LEUTX: variants seen among roughly 807,000 people sequenced by gnomAD.
The protein encoded by LEUTX is leucine twenty homeobox.
Under a neutral mutation model 4.5 loss-of-function variants are expected in LEUTX, and 5 were observed. The ratio of observed to expected loss-of-function variants is 1.11; its 90% confidence interval spans 0.58 to 2.34. LEUTX has a LOEUF of 2.34. LEUTX is among the 30% of genes most tolerant of loss of function. The pLI is 0.01. For missense variants in LEUTX, 233 were observed against 239.4 expected (o/e 0.97, Z 0.18); for synonymous variants, 89 against 85.1 (o/e 1.05, Z -0.25).
intron 1 of LEUTX, among the ~76,000 whole-genome samples, chr19:39,784,170 C>CT (rs916865712): frequency 4.6e-5 from 7 of 151,258 alleles, no homozygotes; most frequent in South Asian, 2.1e-4. Flanking sequence ...TTTCTTGTAT[C>CT]TTTTTTTTTA....
intron 1 of LEUTX, among the ~76,000 whole-genome samples, chr19:39,782,188 T>A (rs1967896710): frequency 6.6e-6 from 1 of 152,144 alleles, no homozygotes; most frequent in Admixed American, 6.5e-5. Context: ...AAACCTGGTG[T>A]CAACATCATG....
Position 39,786,220 on chromosome 19 carries a change from C to G in LEUTX, c.*85C>G. On this transcript the variant is annotated 3_prime_UTR_variant, in exon 3 of 3. Coordinates refer to ENST00000638280, the MANE Select transcript of LEUTX (RefSeq NM_001382345.1). ...ACATCTTTAATGGTTTGACCCCAGT[C>G]TAAGTAGATCAGGGGCTGGGAATTT... 2 of 1,013,546 alleles carry G rather than the reference C, an allele frequency of 2.0e-6. No individual in the cohort carries two copies. Among genetic ancestry groups the G allele is most frequent in the Non-Finnish European group, 2.8e-6 (2 of 716,636 alleles). 62.8% of individuals were successfully genotyped at this position (1,013,546 alleles called of 1,614,324 possible).
intron 2 of LEUTX, 51 bp downstream of exon 2, chr19:39,784,729 A>C: frequency 1.5e-6 from 2 of 1,338,890 alleles, no homozygotes; most frequent in Non-Finnish European, 2.1e-6. Context: ...AGAGCTTCAC[A>C]CACACTTTTG....
chr19:39,784,630 A>C lies in LEUTX; in HGVS notation c.111A>C (p.Thr37=), dbSNP rs1449355846. The stretch of plus-strand genomic sequence containing the variant: ...AGACCATGCACCCAAGTTTGGCTAC[A>C]ATGGGGAAACTGGCTTCAAAGCTAC... ...LEKTMHPSLA[T]MGKLASKLQL... is the part of the protein sequence containing the mutation. The change falls in exon 2 of 3, where the codon ACA becomes ACC. Residue 37 remains threonine, a synonymous_variant. Transcript: ENST00000638280. The C allele has an allele frequency of 2.6e-6, 4 of 1,551,608 alleles. No individual in the cohort carries two copies. Among genetic ancestry groups the C allele is most frequent in the African/African-American group, 2.7e-5 (2 of 73,160 alleles).
chr19:39,777,871 A>G (rs1967819494), upstream of LEUTX, among the ~76,000 whole-genome samples: 2 of 152,218 alleles, frequency 1.3e-5, no homozygotes, highest in Non-Finnish European at 2.9e-5. Context: ...GCTACCTGCA[A>G]TGTTCCCAGA....
At chr19:39,785,437 C>CA (rs74178099) in intron 2 of LEUTX, among the ~76,000 whole-genome samples, 42,759 of 145,370 alleles carry the variant, frequency 0.29, 6,381 homozygotes, top group East Asian at 0.47. Flanking sequence ...TAGCTTGTCT[C>CA]AAAAAAAAAA....
intron 1 of LEUTX, among the ~76,000 whole-genome samples, chr19:39,780,464 T>C (rs898112119): frequency 3.3e-5 from 5 of 152,222 alleles, no homozygotes; most frequent in African/African-American, 2.4e-5. Context: ...TCGTGGAATG[T>C]CTTCATTCTG....
intron 1 of LEUTX, among the ~76,000 whole-genome samples, chr19:39,781,133 C>T (rs1967880242): frequency 6.6e-6 from 1 of 151,680 alleles, no homozygotes; most frequent in Non-Finnish European, 1.5e-5. Flanking sequence ...TCTTGCTGTC[C>T]CCTTCCTGTT....
chr19:39,785,905 A>G lies in LEUTX; in HGVS notation c.367A>G (p.Asn123Asp). 7 of 1,551,808 alleles carry G rather than the reference A, an allele frequency of 4.5e-6. No individual in the cohort carries two copies. Among genetic ancestry groups the G allele is most frequent in the Non-Finnish European group, 6.1e-6 (7 of 1,147,012 alleles). ...TCTACGTGAGCCTTCTGGTATCAAGAATCCTGGAGGAGCCAGCGCCTCTGC... is the reference window on the plus strand; with the variant it reads ...TCTACGTGAGCCTTCTGGTATCAAGGATCCTGGAGGAGCCAGCGCCTCTGC... ...HDLREPSGIK[N>D]PGGASASARV... is the part of the protein sequence containing the mutation. The change falls in exon 3 of 3, where the codon AAT becomes GAT. Residue 123 changes from asparagine to aspartate, a missense_variant. Physicochemically the swap from Asn to Asp is conservative, Grantham distance 23 (BLOSUM62 1). Coordinates refer to ENST00000638280, the MANE Select transcript of LEUTX (RefSeq NM_001382345.1).
chr19:39,779,139 A>G (rs1427675318), intron 1 of LEUTX, among the ~76,000 whole-genome samples: 1 of 152,084 alleles, frequency 6.6e-6, no homozygotes, highest in Non-Finnish European at 1.5e-5. Flanking sequence ...TTTTAAAGAG[A>G]TGGGGTCTTG....
chr19:39,783,048 G>A (rs1036998435), intron 1 of LEUTX, among the ~76,000 whole-genome samples: 28 of 150,864 alleles, frequency 1.9e-4, no homozygotes, highest in South Asian at 2.1e-4. Context: ...CCTTTCCCCC[G>A]AATCCCCAAA....
chr19:39,777,938 A>C (rs770339491), upstream of LEUTX, among the ~76,000 whole-genome samples: 25 of 152,072 alleles, frequency 1.6e-4, no homozygotes, highest in Non-Finnish European at 1.9e-4. Flanking sequence ...GGGGGTGTGG[A>C]GGTTGCGGGA....
Position 39,785,813 on chromosome 19 carries a change from C to T in LEUTX, c.275C>T (p.Pro92Leu), listed in dbSNP as rs773212414. Residue 92 changes from proline (P) to leucine (L), a missense_variant, in exon 3 of 3, where the codon CCC becomes CTC. Transcript: ENST00000638280. ...ACTTCAGTGAAGAAGGAGGAGACTCCCTCAGCCATAACTACTGCAAACATT... is the reference window on the plus strand; with the variant it reads ...ACTTCAGTGAAGAAGGAGGAGACTCTCTCAGCCATAACTACTGCAAACATT... The part of the protein sequence containing the change: ...QTTSVKKEET[P>L]SAITTANIRP... The T allele has an allele frequency of 6.4e-6, 10 of 1,551,640 alleles. No homozygotes were observed. The highest frequency in any genetic ancestry group is 1.7e-4 in the Middle Eastern group (1 of 6,014).
chr19:39,782,169 G>A (rs757643107), intron 1 of LEUTX, among the ~76,000 whole-genome samples: 3 of 152,164 alleles, frequency 2.0e-5, no homozygotes, highest in Non-Finnish European at 4.4e-5. Context: ...GAATCTTATA[G>A]ACTCATATAA....
At chr19:39,780,243 G>A (rs1197538351) in intron 1 of LEUTX, among the ~76,000 whole-genome samples, 3 of 152,072 alleles carry the variant, frequency 2.0e-5, no homozygotes, top group African/African-American at 7.2e-5. Context: ...CTTGGTAGAT[G>A]ATTTTAAACT....
At chr19:39,778,246 T>C (rs541190201), upstream of LEUTX, among the ~76,000 whole-genome samples, 2 of 152,338 alleles carry the variant, frequency 1.3e-5, no homozygotes, top group African/African-American at 2.4e-5. Context: ...ATGCAATTTA[T>C]ATTTTAAGTT....
intron 1 of LEUTX, among the ~76,000 whole-genome samples, chr19:39,783,879 A>T (rs770357080): frequency 6.6e-6 from 1 of 152,114 alleles, no homozygotes; most frequent in Non-Finnish European, 1.5e-5. Context: ...CAGATTCTGG[A>T]TATTAGTCAT....
In LEUTX at chr19:39,785,848, A is replaced by G; in HGVS notation, c.310A>G (p.Ser104Gly). The part of the protein sequence containing the change: ...AITTANIRPV[S>G]PGISDANDHD... ...AACTACTGCAAACATTCGTCCAGTA[A>G]GTCCTGGAATCTCTGATGCAAATGA... The change falls in exon 3 of 3, where the codon AGT becomes GGT. Residue 104 changes from serine (S) to glycine (G), a missense_variant. Ser to Gly is a moderately conservative substitution (Grantham distance 56, BLOSUM62 0). Coordinates refer to ENST00000638280, the MANE Select transcript of LEUTX (RefSeq NM_001382345.1). 6.4e-7 allele frequency: 1 copy of G among 1,551,798 alleles called. No individual in the cohort carries two copies.
At position 39,785,767 on chromosome 19, in the gene LEUTX, C is replaced by A. The variant is rs1399794612; in HGVS notation, c.229C>A (p.Leu77Ile). The A allele has an allele frequency of 6.4e-7, 1 of 1,551,746 alleles. No individual in the cohort carries two copies. The highest frequency in any genetic ancestry group is 2.4e-5 in the East Asian group (1 of 40,928). ...QRQQMQTRPSLGPANQTTSVK... is the reference protein window; with the variant it reads ...QRQQMQTRPSIGPANQTTSVK... ...GCAGCAAATGCAGACACGGCCATCACTAGGGCCAGCAAACCAGACAACTTC... is the reference window on the plus strand; with the variant it reads ...GCAGCAAATGCAGACACGGCCATCAATAGGGCCAGCAAACCAGACAACTTC... Residue 77 changes from leucine (L) to isoleucine (I), a missense_variant, in exon 3 of 3, where the codon CTA (leucine) becomes ATA (isoleucine). Leu to Ile is a conservative substitution (Grantham distance 5, BLOSUM62 2). Coordinates refer to ENST00000638280, the MANE Select transcript of LEUTX (RefSeq NM_001382345.1).
Sources: gnomAD v4.1 joint callset for allele counts (sites outside exome capture counted in the v4.1 genomes callset) on GRCh38, gnomAD v4.1.1 for gene constraint, MANE v1.5 for transcripts, NCBI Gene and HGNC (gene_info 2026-07-23, HGNC 2026-07-21) for gene names.